ITPR2: variants seen among roughly 807,000 people sequenced by gnomAD.
The protein encoded by ITPR2 is inositol 1,4,5-trisphosphate receptor type 2, also known as inositol 1,4,5-trisphosphate-gated calcium channel ITPR2.
In ITPR2, 207 loss-of-function variants were observed where a neutral mutation model predicts 317.1. The observed-to-expected ratio is 0.65, with a 90% confidence interval of 0.58 to 0.73. The LOEUF is 0.73. Ranked by LOEUF, ITPR2 falls within the 30% of genes least tolerant of loss-of-function variation. ITPR2 has a pLI of 0.00. For missense variants in ITPR2, 2,613 were observed against 3,284.0 expected, an observed-to-expected ratio of 0.80 and a Z score of 4.99; for synonymous variants, 1,156 against 1,149.1, an observed-to-expected ratio of 1.01 and a Z score of -0.12.
chr12:26,716,390 T>A (rs1948740728), intron 5 of ITPR2, 148 bp from the exon 6 acceptor site: 2 of 583,838 alleles, frequency 3.4e-6, no homozygotes, highest in Non-Finnish European at 6.1e-6. Context: ...CAATCCTTTT[T>A]CTCTTTGAGG....
intron 41 of ITPR2, among the ~76,000 whole-genome samples, chr12:26,484,161 A>G (rs1269483322): frequency 6.6e-6 from 1 of 151,140 alleles, no homozygotes; most frequent in African/African-American, 2.4e-5. Flanking sequence ...ATATATGTAT[A>G]TATACATATA....
intron 32 of ITPR2, among the ~76,000 whole-genome samples, chr12:26,593,591 A>C (rs992489400): frequency 6.6e-6 from 1 of 152,214 alleles, no homozygotes; most frequent in Non-Finnish European, 1.5e-5. Flanking sequence ...ATTTTTAAAA[A>C]CCTTTTTGCA....
intron 45 of ITPR2, among the ~76,000 whole-genome samples, chr12:26,454,199 T>A (rs1325477366): frequency 6.6e-6 from 1 of 152,162 alleles, no homozygotes; most frequent in Non-Finnish European, 1.5e-5. Flanking sequence ...TGTTTTTTGT[T>A]TGTTTGCTTG....
At chr12:26,827,159 A>G (rs1951020478) in intron 1 of ITPR2, among the ~76,000 whole-genome samples, 1 of 152,228 alleles carries the variant, frequency 6.6e-6, no homozygotes, top group Admixed American at 6.5e-5. Flanking sequence ...TCTTCGTCCA[A>G]TAGGATTTAA....
At chr12:26,450,330 CAG>C (rs1366943656) in intron 45 of ITPR2, among the ~76,000 whole-genome samples, 1 of 152,172 alleles carries the variant, frequency 6.6e-6, no homozygotes, top group Non-Finnish European at 1.5e-5. Flanking sequence ...AAGATAAACT[CAG>C]ATTCTATTCA....
At chr12:26,469,868 T>A (rs575814342) in intron 45 of ITPR2, among the ~76,000 whole-genome samples, 1 of 152,362 alleles carries the variant, frequency 6.6e-6, no homozygotes, top group South Asian at 2.1e-4. Context: ...TGTAAAAATC[T>A]TGAATGATCT....
intron 52 of ITPR2, among the ~76,000 whole-genome samples, chr12:26,405,991 C>A (rs1940336748): frequency 6.6e-6 from 1 of 151,976 alleles, no homozygotes; most frequent in South Asian, 2.1e-4. Context: ...AAACCTCTTG[C>A]CTGTCAGTCT....
chr12:26,668,824 G>A (rs754073673), intron 13 of ITPR2, among the ~76,000 whole-genome samples: 10 of 151,944 alleles, frequency 6.6e-5, no homozygotes, highest in Non-Finnish European at 1.3e-4. Flanking sequence ...AAAAATCTGA[G>A]AGATAAAAAT....
At chr12:26,415,968 T>C (rs1940708138) in intron 50 of ITPR2, among the ~76,000 whole-genome samples, 1 of 152,174 alleles carries the variant, frequency 6.6e-6, no homozygotes, top group Admixed American at 6.6e-5. Context: ...ATTAAATGTA[T>C]TACTTAATCA....
Position 26,443,555 on chromosome 12 carries a change from A to G in ITPR2, c.6438T>C (p.Thr2146=). 6.2e-7 allele frequency: 1 copy of G among 1,610,514 alleles called. No individual in the cohort carries two copies. The highest frequency in any genetic ancestry group is 1.1e-5 in the South Asian group (1 of 90,992). Residue 2146 remains threonine (T), a synonymous_variant, in exon 46 of 57, where the codon ACT becomes ACC. Coordinates refer to ENST00000381340, the MANE Select transcript of ITPR2 (RefSeq NM_002223.4). The stretch of plus-strand genomic sequence containing the variant: ...AATAGATGGTTACCTCAATCTGTGC[A>G]GTGTGGTTGGCATAATACTTTAAGG... ...DEALKYYANH[T]AQIEIVRHDR...
chr12:26,784,721 G>GC (rs947639389), intron 2 of ITPR2, among the ~76,000 whole-genome samples: 7 of 151,230 alleles, frequency 4.6e-5, no homozygotes, highest in African/African-American at 7.3e-5. Context: ...GCCTGCCTTG[G>GC]CCCCCCAAAG....
chr12:26,690,590 G>A (rs1592041820), intron 10 of ITPR2, among the ~76,000 whole-genome samples: 1 of 152,162 alleles, frequency 6.6e-6, no homozygotes, highest in Admixed American at 6.5e-5. Context: ...TAATCCTCCT[G>A]CATTTATCCC....
chr12:26,784,779 G>A (rs866521448), intron 2 of ITPR2, among the ~76,000 whole-genome samples: 1,901 of 145,676 alleles, frequency 0.013, 37 homozygotes, highest in African/African-American at 0.045. Context: ...CTGGGAAGTG[G>A]GGAGCGTCTC....
At chr12:26,509,722 A>C (rs1943280912) in intron 37 of ITPR2, among the ~76,000 whole-genome samples, 1 of 152,148 alleles carries the variant, frequency 6.6e-6, no homozygotes, top group African/African-American at 2.4e-5. Flanking sequence ...GGGCACAATA[A>C]ATCAAGCTAG....
rs1948323108 is a variant in ITPR2 at position 26,695,455 on chromosome 12, C to G, written c.996+151G>C. The G allele has an allele frequency of 1.1e-5, 7 of 622,902 alleles. No individual in the cohort carries two copies. The South Asian group carries it at 1.5e-4, about 14-fold the overall frequency. The allele number at this position is 622,902 out of a possible 1,614,324, so 38.6% of individuals were successfully genotyped here. A position where few individuals can be genotyped will look rare whatever the true frequency, so the allele number is the denominator to read the frequency against. On this transcript the variant is annotated intron_variant, in intron 10 of 56. Coordinates refer to ENST00000381340, the MANE Select transcript of ITPR2 (RefSeq NM_002223.4). Reference sequence around the variant, plus strand: ...ATTGAACATCTTCTCATAATCTAAGCCATATCATCTTTTACCTGTGAACCA... The same window carrying G: ...ATTGAACATCTTCTCATAATCTAAGGCATATCATCTTTTACCTGTGAACCA...
intron 45 of ITPR2, among the ~76,000 whole-genome samples, chr12:26,450,987 A>T (rs912779437): frequency 6.6e-6 from 1 of 152,170 alleles, no homozygotes; most frequent in African/African-American, 2.4e-5. Context: ...TGGAAAGTTA[A>T]TTCTTGTCCT....
At chr12:26,630,442 G>C (rs538326787) in intron 22 of ITPR2, among the ~76,000 whole-genome samples, 47 of 145,378 alleles carry the variant, frequency 3.2e-4, no homozygotes, top group African/African-American at 1.1e-3. Flanking sequence ...AAAGTGATGG[G>C]GGGGAAAAAA....
At chr12:26,502,357 A>C (rs1943090035) in intron 37 of ITPR2, among the ~76,000 whole-genome samples, 1 of 152,210 alleles carries the variant, frequency 6.6e-6, no homozygotes, top group Admixed American at 6.5e-5. Context: ...GAGGAGGGTA[A>C]GTAAGCAAGA....
At chr12:26,561,661 A>G (rs1944822103) in intron 35 of ITPR2, 101 bp downstream of exon 35, 2 of 1,002,510 alleles carry the variant, frequency 2.0e-6, no homozygotes, top group Non-Finnish European at 2.8e-6. Context: ...CTGGTCCCCA[A>G]ATAGAACTTG....
Sources: allele counts gnomAD v4.1 joint callset (sites outside exome capture counted in the v4.1 genomes callset), GRCh38; gene constraint gnomAD v4.1.1; transcripts MANE v1.5; gene names NCBI Gene and HGNC (gene_info 2026-07-23, HGNC 2026-07-21).